DYSF: variants seen among roughly 807,000 people sequenced by gnomAD.
The protein encoded by DYSF is dysferlin, also known as dystrophy-associated fer-1-like 1.
Under a neutral mutation model 274.9 loss-of-function variants are expected in DYSF, and 212 were observed. The ratio of observed to expected loss-of-function variants is 0.77; its 90% CI spans 0.69 to 0.86. DYSF has a LOEUF of 0.86. Ranked by LOEUF, DYSF falls within the 40% of genes least tolerant of loss-of-function variation. The pLI, the probability that DYSF is intolerant of heterozygous loss-of-function variation, is 0.00. For missense variants in DYSF, 2,666 were observed against 2,783.2 expected, an observed-to-expected ratio of 0.96 and a Z score of 0.95; for synonymous variants, 1,091 against 1,078.7, an observed-to-expected ratio of 1.01 and a Z score of -0.22.
intron 3 of DYSF, among the ~76,000 whole-genome samples, chr2:71,483,818 A>G (rs1421918062): frequency 2.0e-5 from 3 of 151,968 alleles, no homozygotes; most frequent in African/African-American, 7.3e-5. Flanking sequence ...TTTTTGGGAC[A>G]TGCTCATAGT....
intron 4 of DYSF, among the ~76,000 whole-genome samples, chr2:71,506,954 G>C (rs1205001739): frequency 6.6e-6 from 1 of 152,130 alleles, no homozygotes; most frequent in Non-Finnish European, 1.5e-5. Flanking sequence ...AACCCGGATG[G>C]TGCCAGTTCT....
intron 41 of DYSF, among the ~76,000 whole-genome samples, chr2:71,639,880 C>A (rs1370991560): frequency 1.3e-5 from 2 of 152,120 alleles, no homozygotes; most frequent in African/African-American, 2.4e-5. Context: ...AAGAAGCTAA[C>A]CAGGTCTATG....
At chr2:71,650,173 A>G (rs1227514849) in intron 42 of DYSF, among the ~76,000 whole-genome samples, 1 of 152,200 alleles carries the variant, frequency 6.6e-6, no homozygotes, top group Non-Finnish European at 1.5e-5. Context: ...TTCATGTCAG[A>G]TCAAGGAGAC....
intron 36 of DYSF, among the ~76,000 whole-genome samples, chr2:71,606,999 C>T (rs769141018): frequency 5.9e-5 from 9 of 152,218 alleles, no homozygotes; most frequent in East Asian, 3.9e-4. Flanking sequence ...ATTTGTTGGA[C>T]GGGGGAATTC....
intron 12 of DYSF, 74 bp downstream of exon 12, chr2:71,520,978 C>T: frequency 8.0e-7 from 1 of 1,243,160 alleles, no homozygotes. Context: ...AAACCACAAA[C>T]AAAAACTCTA....
At chr2:71,562,008 C>A in intron 23 of DYSF, 64 bp downstream of exon 23, 2 of 1,569,180 alleles carry the variant, frequency 1.3e-6, no homozygotes, top group Non-Finnish European at 1.7e-6. Context: ...TCAGAACTGG[C>A]AGGGACAAGG....
rs13424178 is a variant in DYSF, at chr2:71,553,776, C to A, written c.1985-31C>A. The A allele has an allele frequency of 0.11, 75,064 of 674,188 alleles. 2,212 individuals are homozygous for A. The highest frequency in any genetic ancestry group is 0.15 in the Non-Finnish European group (61,915 of 405,652). The allele number at this position is 674,188 out of a possible 1,614,324, so 41.8% of individuals were successfully genotyped here. A position where few individuals can be genotyped will look rare whatever the true frequency, so the allele number is the denominator to read the frequency against. On this transcript the variant is annotated intron_variant, in intron 20 of 55. Coordinates refer to ENST00000410020, the MANE Select transcript of DYSF (RefSeq NM_001130987.2). Reference sequence around the variant, plus strand: ...CATCCCACCCGCCCTCCACTCCTGGCACAGCGCTCAGGCCCGTCTCTCCAT... The same window carrying A: ...CATCCCACCCGCCCTCCACTCCTGGAACAGCGCTCAGGCCCGTCTCTCCAT...
intron 1 of DYSF, among the ~76,000 whole-genome samples, chr2:71,459,449 A>T (rs1406873105): frequency 1.3e-5 from 2 of 152,228 alleles, no homozygotes; most frequent in East Asian, 3.9e-4. Context: ...GTGGACTAAG[A>T]TCAAGCTGGA....
chr2:71,634,609 G>T lies in DYSF; in HGVS notation c.4528-9356G>T, dbSNP rs148469937. 7.6e-3 allele frequency among the ~76,000 whole-genome samples: 1,161 copies of T among 152,316 alleles called. 14 individuals are homozygous for T. The highest frequency in any genetic ancestry group is 0.027 in the African/African-American group (1,108 of 41,552). On this transcript the variant is annotated intron_variant, in intron 41 of 55. Coordinates refer to ENST00000410020, the MANE Select transcript of DYSF (RefSeq NM_001130987.2). The stretch of plus-strand genomic sequence containing the variant: ...GTTAAAAATATAACTTTATTTTTCT[G>T]TAAATCAACTTAATCTCTCCTGTGA...
At chr2:71,645,487 T>C (rs1399954303) in intron 42 of DYSF, among the ~76,000 whole-genome samples, 1 of 151,814 alleles carries the variant, frequency 6.6e-6, no homozygotes, top group Non-Finnish European at 1.5e-5. Flanking sequence ...TGTGTTCCTC[T>C]GCTTGTGTGT....
At chr2:71,679,841 C>T (rs751818630) in intron 53 of DYSF, among the ~76,000 whole-genome samples, 3 of 152,060 alleles carry the variant, frequency 2.0e-5, no homozygotes, top group Non-Finnish European at 4.4e-5. Context: ...AATGAGAAAA[C>T]GACATGCATA....
At chr2:71,551,760 C>T in intron 19 of DYSF, 40 bp downstream of exon 19, 1 of 1,528,622 alleles carries the variant, frequency 6.5e-7, no homozygotes, top group Non-Finnish European at 8.9e-7. Context: ...GGCGTCGGGG[C>T]AGGGAAGGGA....
chr2:71,677,222 G>A (rs1012972492), intron 52 of DYSF, among the ~76,000 whole-genome samples: 6 of 152,100 alleles, frequency 3.9e-5, no homozygotes, highest in African/African-American at 1.4e-4. Context: ...ATAAATGGAT[G>A]AGTGGAAAGA....
At chr2:71,684,128 C>A (rs914466212) in intron 55 of DYSF, among the ~76,000 whole-genome samples, 3 of 152,204 alleles carry the variant, frequency 2.0e-5, no homozygotes, top group African/African-American at 7.2e-5. Flanking sequence ...GTTTGTCCAT[C>A]AGCAAAATCT....
At chr2:71,514,242 C>T (rs1241640999) in intron 7 of DYSF, among the ~76,000 whole-genome samples, 2 of 151,566 alleles carry the variant, frequency 1.3e-5, no homozygotes, top group Non-Finnish European at 1.5e-5. Flanking sequence ...CAGGGTATAT[C>T]CAACCAGCAA....
chr2:71,664,287 A>G lies in DYSF; in HGVS notation c.5023A>G (p.Thr1675Ala). 1.2e-6 allele frequency: 2 copies of G among 1,614,002 alleles called. No homozygotes were observed. Among genetic ancestry groups the G allele is most frequent in the Non-Finnish European group, 1.7e-6 (2 of 1,179,984 alleles). Reference sequence around the variant, plus strand: ...CTGCAGGATGTTCGAGCTGACCTGCACTCTGCCTCTGGAGAAGGACCTAAA... The same window carrying G: ...CTGCAGGATGTTCGAGCTGACCTGCGCTCTGCCTCTGGAGAAGGACCTAAA... Reference protein sequence around the residue: ...VFGKMFELTCTLPLEKDLKIT... With the variant: ...VFGKMFELTCALPLEKDLKIT... The change falls in exon 46 of 56, where the codon ACT becomes GCT. Residue 1675 changes from threonine (T) to alanine (A), a missense_variant. Around this residue, in one of 3 missense-constraint regions of DYSF, gnomAD observed 1,460 missense variants for 1,502.1 expected, o/e 0.97. Transcript: ENST00000410020.
chr2:71,577,898 C>T (rs2092764202), intron 30 of DYSF, among the ~76,000 whole-genome samples: 1 of 152,100 alleles, frequency 6.6e-6, no homozygotes, highest in Non-Finnish European at 1.5e-5. Context: ...TGGTCTTTGC[C>T]CACGGGTCCC....
At chr2:71,523,355 G>A (rs1485193337) in intron 12 of DYSF, among the ~76,000 whole-genome samples, 3 of 152,132 alleles carry the variant, frequency 2.0e-5, no homozygotes, top group Non-Finnish European at 2.9e-5. Context: ...ATCTAACTAC[G>A]AGGGAGCCTG....
At chr2:71,643,496 C>A (rs2094519052) in intron 41 of DYSF, among the ~76,000 whole-genome samples, 1 of 152,144 alleles carries the variant, frequency 6.6e-6, no homozygotes, top group Non-Finnish European at 1.5e-5. Flanking sequence ...GGCAGATGGG[C>A]AGAATAGATA....
Sources: gnomAD v4.1 joint callset for allele counts (sites outside exome capture counted in the v4.1 genomes callset) on GRCh38, gnomAD v4.1.1 for gene constraint, gnomAD v4.1.1 regional missense constraint, MANE v1.5 for transcripts, NCBI Gene and HGNC (gene_info 2026-07-23, HGNC 2026-07-21) for gene names.